HACD3: variants seen among roughly 807,000 people sequenced by gnomAD.
HACD3 encodes very-long-chain (3R)-3-hydroxyacyl-CoA dehydratase 3.
A neutral mutation model predicts 55.2 loss-of-function variants in HACD3; 30 were observed. The observed-to-expected ratio is 0.54, with a 90% CI of 0.41 to 0.74. HACD3 has a LOEUF of 0.74. Ranked by LOEUF, HACD3 falls within the 30% of genes least tolerant of loss-of-function variation. The pLI, the probability that HACD3 is intolerant of heterozygous loss-of-function variation, is 0.00. For synonymous variants in HACD3, 141 were observed against 151.7 expected (o/e 0.93, Z 0.52); for missense variants, 363 against 440.1 (o/e 0.82, Z 1.57).
chr15:65,562,921 C>T (rs752839720), intron 6 of HACD3, 37 bp downstream of exon 6: 2 of 1,605,554 alleles, frequency 1.2e-6, no homozygotes, highest in Non-Finnish European at 1.7e-6. Context: ...TTCCCTTTCT[C>T]AGTAGTTTGG....
At chr15:65,571,302 C>T (rs535677106) in intron 8 of HACD3, among the ~76,000 whole-genome samples, 13 of 152,118 alleles carry the variant, frequency 8.5e-5, no homozygotes, top group Middle Eastern at 3.4e-3. Context: ...GTATCCAGTC[C>T]GTTTACCGAA....
At chr15:65,564,133 C>A in intron 6 of HACD3, 82 bp from the exon 7 acceptor site, 2 of 1,467,290 alleles carry the variant, frequency 1.4e-6, no homozygotes, top group Non-Finnish European at 1.9e-6. Flanking sequence ...GTTATTTTCA[C>A]GAAAGGAGTA....
chr15:65,570,291 T>A, intron 8 of HACD3, 88 bp downstream of exon 8: 1 of 989,496 alleles, frequency 1.0e-6, no homozygotes, highest in Non-Finnish European at 1.5e-6. Flanking sequence ...TTAGCCAGAG[T>A]CTCATTTGGT....
chr15:65,570,782 A>G (rs2072340142), intron 8 of HACD3, among the ~76,000 whole-genome samples: 1 of 152,210 alleles, frequency 6.6e-6, no homozygotes, highest in Non-Finnish European at 1.5e-5. Context: ...CAGCTGGAGC[A>G]AGGATTTTGC....
rs2072421519 is a variant in HACD3, at chr15:65,577,702, G to T, written c.*1323G>T. 1 of 152,152 alleles carries T rather than the reference G, an allele frequency of 6.6e-6. No individual in the cohort carries two copies. The highest frequency in any genetic ancestry group is 1.5e-5 in the Non-Finnish European group (1 of 68,032). 9.4% of individuals were successfully genotyped at this position (152,152 alleles called of 1,614,324 possible). A position where few individuals can be genotyped will look rare whatever the true frequency, so the allele number is the denominator to read the frequency against. On this transcript the variant is annotated 3_prime_UTR_variant, in exon 11 of 11. Transcript: ENST00000261875. ...GTGAGTGGTGGGACTGTACATTTTT[G>T]AATAGACCTCAAAAATACTTCATTC...
At chr15:65,550,597 T>C (rs142455570) in intron 1 of HACD3, among the ~76,000 whole-genome samples, 101 of 152,320 alleles carry the variant, frequency 6.6e-4, no homozygotes, top group African/African-American at 2.3e-3. Flanking sequence ...TTGCAGTTAA[T>C]AATTATTTGT....
At chr15:65,562,441 C>T (rs902725391) in intron 5 of HACD3, among the ~76,000 whole-genome samples, 13 of 152,318 alleles carry the variant, frequency 8.5e-5, no homozygotes, top group African/African-American at 2.6e-4. Flanking sequence ...AGCCAGAAAC[C>T]GTTGCCGAAA....
intron 10 of HACD3, among the ~76,000 whole-genome samples, chr15:65,572,675 G>T (rs756368966): frequency 6.6e-6 from 1 of 152,102 alleles, no homozygotes; most frequent in Non-Finnish European, 1.5e-5. Flanking sequence ...CCAGCACTTT[G>T]GGAGGCTGAG....
chr15:65,567,122 A>G (rs1199897983), intron 7 of HACD3, among the ~76,000 whole-genome samples: 2 of 151,938 alleles, frequency 1.3e-5, no homozygotes. Flanking sequence ...CAGCAGTTGG[A>G]GACCACCCTT....
chr15:65,531,473 T>A (rs1304208059), intron 1 of HACD3: 1 of 152,230 alleles, frequency 6.6e-6, no homozygotes, highest in Non-Finnish European at 1.5e-5. Flanking sequence ...AGGACCTGTG[T>A]ATCCTCATGT....
At chr15:65,532,729 A>T (rs754199193) in intron 1 of HACD3, among the ~76,000 whole-genome samples, 2 of 151,940 alleles carry the variant, frequency 1.3e-5, no homozygotes, top group Non-Finnish European at 2.9e-5. Flanking sequence ...GGGGTTTCAC[A>T]TCTGTAGTTT....
chr15:65,535,698 CTT>C (rs746107738), intron 1 of HACD3: 2,866 of 402,586 alleles, frequency 7.1e-3, no homozygotes, highest in South Asian at 0.023. Context: ...TTGATGTTAA[CTT>C]TTTTTTTTTT....
In HACD3 at chr15:65,577,291, T is replaced by A. The variant is rs2072413337; in HGVS notation, c.*912T>A. ...AAATAAAAAAATTAGCTGGGTGTGA[T>A]GGCACACACCTGTTGTCCCAGCTAC... On this transcript the variant is annotated 3_prime_UTR_variant, in exon 11 of 11. Transcript: ENST00000261875. The A allele has an allele frequency of 6.6e-6, 1 of 152,162 alleles. No homozygotes were observed. The highest frequency in any genetic ancestry group is 1.5e-5 in the Non-Finnish European group (1 of 68,062). 9.4% of individuals were successfully genotyped at this position (152,162 alleles called of 1,614,324 possible).
chr15:65,573,255 T>C (rs967477609), intron 10 of HACD3, among the ~76,000 whole-genome samples: 2 of 152,178 alleles, frequency 1.3e-5, no homozygotes, highest in Non-Finnish European at 2.9e-5. Flanking sequence ...ATTACAAATA[T>C]GACAAATTTA....
chr15:65,532,391 C>T (rs1005507289), intron 1 of HACD3, among the ~76,000 whole-genome samples: 3 of 152,064 alleles, frequency 2.0e-5, no homozygotes, highest in Admixed American at 6.6e-5. Context: ...TTTGGGAGGC[C>T]GAGGCGGGAG....
intron 10 of HACD3, 138 bp from the exon 11 acceptor site, chr15:65,576,165 T>C (rs933499661): frequency 7.9e-7 from 1 of 1,265,126 alleles, no homozygotes; most frequent in Non-Finnish European, 1.1e-6. Context: ...TGTTCTAAAT[T>C]GTACTCCTTC....
In HACD3 at chr15:65,572,332, T is replaced by TC. The variant is rs780370414; in HGVS notation, c.978_979insC (p.Phe327LeufsTer22). Reference sequence around the variant, plus strand: ...TGAAAATCAAAGTTAGATTTTCCTTTTTTCTTCAGATTTATCTTATAATGA... The same window carrying TC: ...TGAAAATCAAAGTTAGATTTTCCTTTCTTTCTTCAGATTTATCTTATAATGA... On this transcript the variant is annotated frameshift_variant, in exon 10 of 11. Coordinates refer to ENST00000261875, the MANE Select transcript of HACD3 (RefSeq NM_016395.4). LOFTEE classifies it high-confidence loss of function. 143 of 1,612,070 alleles carry TC rather than the reference T, an allele frequency of 8.9e-5. No homozygotes were observed. The highest frequency in any genetic ancestry group is 1.1e-4 in the Non-Finnish European group (129 of 1,179,348).
chr15:65,576,950 C>T lies in HACD3; in HGVS notation c.*571C>T, dbSNP rs1309922655. The T allele has an allele frequency of 6.5e-6, 1 of 152,680 alleles. No homozygotes were observed. The highest frequency in any genetic ancestry group is 1.9e-4 in the East Asian group (1 of 5,210). 9.5% of individuals were successfully genotyped at this position (152,680 alleles called of 1,614,324 possible). ...GAGAACATACTTTACATCTGACATC[C>T]TTTGGCCTAACAACATCTATTATTA... is the stretch of plus-strand genomic sequence containing the variant. On this transcript the variant is annotated 3_prime_UTR_variant, in exon 11 of 11. Transcript: ENST00000261875.
At chr15:65,542,118 A>G (rs548838433) in intron 1 of HACD3, among the ~76,000 whole-genome samples, 3 of 149,336 alleles carry the variant, frequency 2.0e-5, no homozygotes, top group African/African-American at 5.0e-5. Context: ...AGTCCCAGCT[A>G]CTTGGGAGGC....
Sources: allele counts gnomAD v4.1 joint callset (sites outside exome capture counted in the v4.1 genomes callset), GRCh38; gene constraint gnomAD v4.1.1; transcripts MANE v1.5; gene names NCBI Gene and HGNC (gene_info 2026-07-23, HGNC 2026-07-21).